Variants in OPA1 observed in about 807,000 individuals in gnomAD.
OPA1 encodes the protein OPA1 mitochondrial dynamin like GTPase, also known as dynamin-like GTPase OPA1, mitochondrial.
OPA1 carries 59 observed loss-of-function variants against 152.9 expected under a neutral mutation model. The ratio of observed to expected loss-of-function variants is 0.39; its 90% CI spans 0.31 to 0.48. The LOEUF is 0.48. Among genes scored for constraint, OPA1 ranks in the 20% least tolerant of loss-of-function variants. The pLI, the probability that OPA1 is intolerant of heterozygous loss-of-function variation, is 0.96. For missense variants in OPA1, 1,008 were observed against 1,216.8 expected (o/e 0.83, Z 2.55); for synonymous variants, 400 against 389.9 (o/e 1.03, Z -0.31).
chr3:193,631,187 C>A (rs551426675), intron 7 of OPA1, among the ~76,000 whole-genome samples: 80 of 152,284 alleles, frequency 5.3e-4, no homozygotes, highest in African/African-American at 1.9e-3. Context: ...TTTTAAATAG[C>A]TGTAATCAGT....
chr3:193,691,348 T>A (rs1316703352), intron 29 of OPA1: 1 of 152,180 alleles, frequency 6.6e-6, no homozygotes, highest in East Asian at 1.9e-4. Context: ...TTTCAGAGAG[T>A]ATATATTTCA....
rs562858106 is a variant in OPA1, at chr3:193,633,209, A to G, written c.843+1544A>G. On this transcript the variant is annotated intron_variant, in intron 8 of 30. Transcript: ENST00000361510. ...CCTCTGGAGCACATTAGAAATGCAC[A>G]TTCTTGACCCCATCCCATACCTTCT... Among the ~76,000 whole-genome samples, 3 of 152,284 alleles carry G rather than the reference A, an allele frequency of 2.0e-5. No homozygotes were observed. In the East Asian group the frequency reaches 5.8e-4, roughly 29 times the overall value.
At chr3:193,635,357 CTT>C (rs1315031762) in intron 8 of OPA1, 59 bp from the exon 9 acceptor site, 15 of 997,980 alleles carry the variant, frequency 1.5e-5, no homozygotes, top group South Asian at 5.2e-5. Flanking sequence ...TTAATTTAGA[CTT>C]AATACTATTT....
At chr3:193,683,574 G>A (rs913684553) in intron 29 of OPA1, among the ~76,000 whole-genome samples, 12 of 152,024 alleles carry the variant, frequency 7.9e-5, no homozygotes, top group African/African-American at 2.9e-4. Flanking sequence ...AATCAGTGCA[G>A]CAAACTACAA....
At chr3:193,673,925 C>T (rs1718451005) in intron 29 of OPA1, among the ~76,000 whole-genome samples, 1 of 152,194 alleles carries the variant, frequency 6.6e-6, no homozygotes, top group South Asian at 2.1e-4. Context: ...TTAGAATTTT[C>T]CAATATCCTC....
At chr3:193,643,308 A>G in intron 13 of OPA1, 65 bp from the exon 14 acceptor site, 1 of 1,361,880 alleles carries the variant, frequency 7.3e-7, no homozygotes, top group Non-Finnish European at 1.1e-6. Context: ...CATTTCACCA[A>G]AAAAAATTCT....
intron 1 of OPA1, among the ~76,000 whole-genome samples, chr3:193,595,938 G>A (rs1725415783): frequency 6.6e-6 from 1 of 152,086 alleles, no homozygotes; most frequent in South Asian, 2.1e-4. Flanking sequence ...TATACCCTAT[G>A]TATATATGCA....
At chr3:193,677,561 G>A (rs146399193) in intron 29 of OPA1, among the ~76,000 whole-genome samples, 63 of 152,146 alleles carry the variant, frequency 4.1e-4, no homozygotes, top group African/African-American at 1.4e-3. Context: ...AAAATTAAAC[G>A]AGATAGGAAA....
At chr3:193,657,302 TAGG>T (rs1288452808) in intron 23 of OPA1, 70 bp downstream of exon 23, 6 of 1,437,150 alleles carry the variant, frequency 4.2e-6, no homozygotes, top group South Asian at 1.2e-5. Flanking sequence ...TACTTTTTCA[TAGG>T]AGACTTTATA....
intron 6 of OPA1, 63 bp from the exon 7 acceptor site, chr3:193,626,029 C>A (rs1577194266): frequency 8.2e-7 from 1 of 1,224,286 alleles, no homozygotes; most frequent in African/African-American, 1.5e-5. Flanking sequence ...CTTTGTTGCA[C>A]CCTTGGTTTA....
chr3:193,687,965 T>G (rs1721136248), intron 29 of OPA1, among the ~76,000 whole-genome samples: 1 of 152,092 alleles, frequency 6.6e-6, no homozygotes, highest in South Asian at 2.1e-4. Context: ...GGCCCGAGTA[T>G]CCTGATCTGT....
chr3:193,626,570 A>G (rs185349694), intron 7 of OPA1, among the ~76,000 whole-genome samples: 42 of 152,342 alleles, frequency 2.8e-4, no homozygotes, highest in Admixed American at 2.7e-3. Context: ...TCTAAAATGA[A>G]AAGCATTGCT....
At chr3:193,624,170 A>G (rs1730650332) in intron 6 of OPA1, 1 of 152,310 alleles carries the variant, frequency 6.6e-6, no homozygotes, top group Non-Finnish European at 1.5e-5. Context: ...TATAGACGCG[A>G]GTGAGAAATG....
chr3:193,622,346 A>C (rs1008434703), intron 6 of OPA1, among the ~76,000 whole-genome samples: 1 of 146,944 alleles, frequency 6.8e-6, no homozygotes, highest in Non-Finnish European at 1.5e-5. Flanking sequence ...CTCCTGCCTC[A>C]GCCTCCCAAG....
intron 29 of OPA1, among the ~76,000 whole-genome samples, chr3:193,683,068 A>C (rs1158582439): frequency 6.6e-6 from 1 of 152,182 alleles, no homozygotes; most frequent in Admixed American, 6.5e-5. Flanking sequence ...GGAGGAGGTC[A>C]GAATGTCACC....
intron 26 of OPA1, among the ~76,000 whole-genome samples, chr3:193,663,587 G>T (rs1336776595): frequency 6.6e-6 from 1 of 152,070 alleles, no homozygotes; most frequent in Non-Finnish European, 1.5e-5. Flanking sequence ...TAGTTAAGAT[G>T]TAAGGAATTC....
rs548051200 is a variant in OPA1 at position 193,677,041 on chromosome 3, G to A, written c.2983+9761G>A. ...AGAATATCAATAAATTAGTACAAGC[G>A]TAAAAGAACATTTTCTTTTCTATAA... On this transcript the variant is annotated intron_variant, in intron 29 of 30. Transcript: ENST00000361510. Among the ~76,000 whole-genome samples the A allele has an allele frequency of 1.4e-4, 21 of 148,360 alleles. 1 individual carries two copies. The South Asian group carries it at 1.9e-3, about 14-fold the overall frequency.
Position 193,660,762 on chromosome 3 carries a change from G to A in OPA1, c.2520+1201G>A, listed in dbSNP as rs553457459. Among the ~76,000 whole-genome samples, 102 of 152,024 alleles carry A rather than the reference G, an allele frequency of 6.7e-4. 3 individuals are homozygous for A. In the South Asian group the frequency reaches 0.013, roughly 20 times the overall value. On this transcript the variant is annotated intron_variant, in intron 25 of 30. Transcript: ENST00000361510. ...GCCATTAAGAGACTGAAGCAAAGCTGAGGAAGCAGACAGTTAGTGATTGGG... is the reference window on the plus strand; with the variant it reads ...GCCATTAAGAGACTGAAGCAAAGCTAAGGAAGCAGACAGTTAGTGATTGGG...
In OPA1 at chr3:193,658,920, T is replaced by G; in HGVS notation, c.2365T>G (p.Ser789Ala). Reference protein sequence around the residue: ...VIQHNALEDRSISDKQQWDAA... With the variant: ...VIQHNALEDRAISDKQQWDAA... ...TCAACACAATGCTTTGGAAGACCGATCCATATCTGATAAACAGCAATGGGA... is the reference window on the plus strand; with the variant it reads ...TCAACACAATGCTTTGGAAGACCGAGCCATATCTGATAAACAGCAATGGGA... The change falls in exon 24 of 31, where the codon TCC becomes GCC. Residue 789 changes from serine to alanine, a missense_variant. Coordinates refer to ENST00000361510, the MANE Select transcript of OPA1 (RefSeq NM_130837.3). 1.2e-6 allele frequency: 2 copies of G among 1,613,904 alleles called. No homozygotes were observed. Among genetic ancestry groups the G allele is most frequent in the South Asian group, 2.2e-5 (2 of 91,076 alleles).
Sources: gnomAD v4.1 joint callset for allele counts (sites outside exome capture counted in the v4.1 genomes callset) on GRCh38, gnomAD v4.1.1 for gene constraint, MANE v1.5 for transcripts, NCBI Gene and HGNC (gene_info 2026-07-23, HGNC 2026-07-21) for gene names.